The following FAT1 variants were observed in gnomAD, a reference collection of about 807,000 sequenced individuals.
FAT1 encodes the protein protocadherin Fat 1.
In FAT1, 171 loss-of-function variants were observed where a neutral mutation model predicts 329.8. That is an observed-to-expected ratio of 0.52 (90% CI 0.46 to 0.59). The LOEUF (loss-of-function observed/expected upper bound fraction) is 0.59. Among genes scored for constraint, FAT1 ranks in the 20% least tolerant of loss-of-function variants. The pLI is 0.00. For missense variants in FAT1, 5,672 were observed against 5,774.4 expected (o/e 0.98, Z 0.57); for synonymous variants, 2,233 against 2,228.6 (o/e 1.00, Z -0.06).
chr4:186,642,816 A>G (rs1741164726), intron 3 of FAT1, among the ~76,000 whole-genome samples: 1 of 152,220 alleles, frequency 6.6e-6, no homozygotes, highest in African/African-American at 2.4e-5. Context: ...GGCCTATAAA[A>G]ACGGTAGAGA....
intron 16 of FAT1, 50 bp from the exon 17 acceptor site, chr4:186,606,263 A>G (rs753075711): frequency 5.0e-6 from 8 of 1,600,142 alleles, no homozygotes; most frequent in Non-Finnish European, 8.5e-7. Context: ...AGGCCGACAG[A>G]GCTCCAATGA....
chr4:186,706,576 T>C lies in FAT1; in HGVS notation c.3252A>G (p.Ile1084Met), dbSNP rs201889111. ...RDGSGVGVFK[I>M]GEETGVIETS... ...AAACATATTTACCTGTCTCTTCACC[T>C]ATTTTGAAAACACCAACGCCAGAGC... Residue 1084 changes from isoleucine to methionine, a missense_variant, in exon 2 of 27, where the codon ATA (isoleucine) becomes ATG (methionine). Coordinates refer to ENST00000441802, the MANE Select transcript of FAT1 (RefSeq NM_005245.4). The C allele has an allele frequency of 1.1e-4, 174 of 1,603,936 alleles. No individual in the cohort carries two copies. The African/African-American group carries it at 2.0e-3, about 18-fold the overall frequency.
At chr4:186,675,374 G>A (rs1334193752) in intron 2 of FAT1, among the ~76,000 whole-genome samples, 1 of 152,008 alleles carries the variant, frequency 6.6e-6, no homozygotes, top group Non-Finnish European at 1.5e-5. Flanking sequence ...GGCTGAGGCA[G>A]GAGAATCGCT....
At position 186,636,762 on chromosome 4, in the gene FAT1, ATTTC is replaced by A; in HGVS notation, c.3791_3794del (p.Arg1264MetfsTer11). On this transcript the variant is annotated frameshift_variant, in exon 5 of 27. Coordinates refer to ENST00000441802, the MANE Select transcript of FAT1 (RefSeq NM_005245.4). LOFTEE classifies it high-confidence loss of function. ...CGTGATAGAGCGGCTCCCGTCTGGC[ATTTC>A]TTTCTCGGTCTGGCTTTTCCCGCTC... 1 of 1,613,340 alleles carries A rather than the reference ATTTC, an allele frequency of 6.2e-7. No individual in the cohort carries two copies. The highest frequency in any genetic ancestry group is 1.3e-5 in the African/African-American group (1 of 74,792).
Position 186,611,599 on chromosome 4 carries a change from C to T in FAT1, c.9640G>A (p.Gly3214Ser), listed in dbSNP as rs2126468618. 6.2e-7 allele frequency: 1 copy of T among 1,613,654 alleles called. No individual in the cohort carries two copies. The highest frequency in any genetic ancestry group is 8.5e-7 in the Non-Finnish European group (1 of 1,179,712). ...TCAAGAACTGATACAATCACAGTGC[C>T]AGTGGCAGTCAGCCTCCTTGGCAAG... is the stretch of plus-strand genomic sequence containing the variant. ...QGLPRRLTAT[G>S]TVIVSVLDIN... is the part of the protein sequence containing the mutation. Residue 3214 changes from glycine (G) to serine (S), a missense_variant, in exon 14 of 27, where the codon GGC (glycine) becomes AGC (serine). By Grantham distance (56) the Gly-to-Ser change is moderately conservative (BLOSUM62 0). Transcript: ENST00000441802.
chr4:186,671,782 T>G (rs1326403816), intron 2 of FAT1, among the ~76,000 whole-genome samples: 4 of 152,128 alleles, frequency 2.6e-5, no homozygotes, highest in Non-Finnish European at 4.4e-5. Flanking sequence ...TTTGAATTCT[T>G]TTAGAAACAA....
intron 2 of FAT1, among the ~76,000 whole-genome samples, chr4:186,692,547 C>T (rs564514809): frequency 1.8e-3 from 267 of 152,224 alleles, no homozygotes; most frequent in Non-Finnish European, 2.8e-3. Context: ...CTCCTGACCT[C>T]GTGATCCGCC....
chr4:186,651,042 A>AT (rs151313677), intron 3 of FAT1, among the ~76,000 whole-genome samples: 21 of 147,326 alleles, frequency 1.4e-4, no homozygotes, highest in Non-Finnish European at 2.5e-4. Flanking sequence ...TAATTTATTT[A>AT]CTATTATTAA....
chr4:186,612,784 G>A (rs947704771), intron 13 of FAT1, among the ~76,000 whole-genome samples: 6 of 152,142 alleles, frequency 3.9e-5, no homozygotes, highest in Non-Finnish European at 7.3e-5. Flanking sequence ...GTTGCAATGA[G>A]GCTAAAAGCT....
intron 3 of FAT1, among the ~76,000 whole-genome samples, chr4:186,658,918 T>C (rs562194092): frequency 1.3e-5 from 2 of 152,300 alleles, no homozygotes; most frequent in South Asian, 2.1e-4. Context: ...TTCACTTTTG[T>C]AGATGACGAA....
At chr4:186,684,494 G>A (rs938952637) in intron 2 of FAT1, among the ~76,000 whole-genome samples, 1 of 152,108 alleles carries the variant, frequency 6.6e-6, no homozygotes, top group East Asian at 1.9e-4. Flanking sequence ...GCCTCCGCCC[G>A]AACACTGCCA....
At chr4:186,623,747 A>T (rs1418697681) in intron 9 of FAT1, among the ~76,000 whole-genome samples, 17 of 152,292 alleles carry the variant, frequency 1.1e-4, no homozygotes, top group Admixed American at 9.8e-4. Context: ...TGTCTGATGC[A>T]TCCTCTCCTG....
At chr4:186,635,134 C>T (rs1365849279) in intron 6 of FAT1, among the ~76,000 whole-genome samples, 1 of 152,180 alleles carries the variant, frequency 6.6e-6, no homozygotes, top group Non-Finnish European at 1.5e-5. Context: ...TAAGGCCTGG[C>T]CTGGCCTGAC....
At chr4:186,703,628 G>A (rs540553999) in intron 2 of FAT1, among the ~76,000 whole-genome samples, 208 of 152,284 alleles carry the variant, frequency 1.4e-3, no homozygotes, top group African/African-American at 4.1e-3. Flanking sequence ...ATTAATTAGC[G>A]CAATATTAAA....
In FAT1 at chr4:186,611,406, A is replaced by C. The variant is rs756135303; in HGVS notation, c.9833T>G (p.Phe3278Cys). The change falls in exon 14 of 27, where the codon TTC becomes TGC. Residue 3278 changes from phenylalanine (F) to cysteine (C), a missense_variant. By Grantham distance (205) the Phe-to-Cys change is radical. Transcript: ENST00000441802. ...SIISGNEHGK[F>C]SIDSKTGAVF... ...GTTACCTGTTTTAGAATCTATGCTG[A>C]ATTTCCCATGTTCATTTCCACTTAT... 3 of 1,612,384 alleles carry C rather than the reference A, an allele frequency of 1.9e-6. No homozygotes were observed. The highest frequency in any genetic ancestry group is 2.5e-6 in the Non-Finnish European group (3 of 1,179,070).
At chr4:186,684,481 C>T (rs578084303) in intron 2 of FAT1, among the ~76,000 whole-genome samples, 1 of 152,284 alleles carries the variant, frequency 6.6e-6, no homozygotes, top group East Asian at 1.9e-4. Flanking sequence ...CCGGGATGCA[C>T]CTGCCTCCGC....
chr4:186,654,819 G>T (rs898008699), intron 3 of FAT1, among the ~76,000 whole-genome samples: 3 of 151,780 alleles, frequency 2.0e-5, no homozygotes, highest in Admixed American at 6.6e-5. Flanking sequence ...ACCGAGGAAG[G>T]AAGAACTTGG....
intron 3 of FAT1, among the ~76,000 whole-genome samples, chr4:186,647,381 G>C (rs1340898493): frequency 6.6e-6 from 1 of 152,178 alleles, no homozygotes; most frequent in African/African-American, 2.4e-5. Context: ...GTTTAGAGAA[G>C]TAAAATCATT....
chr4:186,712,967 A>C (rs901671390), intron 1 of FAT1, among the ~76,000 whole-genome samples: 1 of 116,736 alleles, frequency 8.6e-6, no homozygotes. Context: ...CTGGGAGAGA[A>C]CCTATCATGA....
Sources: gnomAD v4.1 joint callset for allele counts (sites outside exome capture counted in the v4.1 genomes callset) on GRCh38, gnomAD v4.1.1 for gene constraint, MANE v1.5 for transcripts, NCBI Gene and HGNC (gene_info 2026-07-23, HGNC 2026-07-21) for gene names.